Variants in DSCAM observed in about 807,000 individuals in gnomAD.
DSCAM encodes the protein cell adhesion molecule DSCAM.
In DSCAM, 47 loss-of-function variants were observed where a neutral mutation model predicts 217.7. That is an observed-to-expected ratio of 0.22 (90% confidence interval 0.17 to 0.28). The LOEUF is 0.28. Ranked by LOEUF, DSCAM falls within the 10% of genes least tolerant of loss-of-function variation. The pLI, the probability that DSCAM is intolerant of heterozygous loss-of-function variation, is 1.00. For synonymous variants in DSCAM, 1,056 were observed against 1,015.3 expected (o/e 1.04, Z -0.76); for missense variants, 2,080 against 2,618.3 (o/e 0.79, Z 4.49).
intron 19 of DSCAM, among the ~76,000 whole-genome samples, chr21:40,126,093 A>C (rs1792206003): frequency 6.6e-6 from 1 of 152,214 alleles, no homozygotes; most frequent in Non-Finnish European, 1.5e-5. Context: ...TAATTACGTA[A>C]ACCAATGAAA....
At chr21:40,103,294 G>A (rs2089778041) in intron 20 of DSCAM, among the ~76,000 whole-genome samples, 1 of 151,814 alleles carries the variant, frequency 6.6e-6, no homozygotes, top group East Asian at 1.9e-4. Flanking sequence ...AAACTTGAAG[G>A]CTGTGATTTC....
intron 19 of DSCAM, among the ~76,000 whole-genome samples, chr21:40,128,520 A>T (rs894556787): frequency 6.6e-6 from 1 of 151,980 alleles, no homozygotes; most frequent in African/African-American, 2.4e-5. Context: ...GGCTGGGTTT[A>T]ATCAGATGCG....
intron 11 of DSCAM, among the ~76,000 whole-genome samples, chr21:40,189,662 C>T (rs913494015): frequency 6.6e-6 from 1 of 151,896 alleles, no homozygotes; most frequent in Non-Finnish European, 1.5e-5. Context: ...ATGCTGTTCT[C>T]ATGATAGTGA....
At position 40,628,256 on chromosome 21, in the gene DSCAM, A is replaced by G. The variant is rs529080687; in HGVS notation, c.508+64554T>C. On this transcript the variant is annotated intron_variant, in intron 3 of 32. Transcript: ENST00000400454. ...ATGAATCCTAACAGTTGGGATCATG[A>G]ACCCTGGAGCCAACTTGCCTTTGTG... Among the ~76,000 whole-genome samples the G allele has an allele frequency of 1.1e-3, 171 of 152,320 alleles. 1 individual carries two copies. Among genetic ancestry groups the G allele is most frequent in the African/African-American group, 3.8e-3 (159 of 41,562 alleles).
At chr21:40,616,016 A>T (rs1450939629) in intron 3 of DSCAM, among the ~76,000 whole-genome samples, 3 of 151,836 alleles carry the variant, frequency 2.0e-5, no homozygotes, top group Non-Finnish European at 4.4e-5. Context: ...ACATGCATAC[A>T]AGATCCATGC....
chr21:40,244,908 A>C (rs2073202203), intron 11 of DSCAM, among the ~76,000 whole-genome samples: 1 of 150,682 alleles, frequency 6.6e-6, no homozygotes, highest in African/African-American at 2.4e-5. Flanking sequence ...CAATTAGCTA[A>C]TGAGACAGTG....
At chr21:40,333,215 A>G (rs2074394976) in intron 8 of DSCAM, among the ~76,000 whole-genome samples, 1 of 152,208 alleles carries the variant, frequency 6.6e-6, no homozygotes, top group Non-Finnish European at 1.5e-5. Flanking sequence ...TTTTCCTAAA[A>G]TTTAGCTAAT....
chr21:40,790,996 G>A (rs1189011089), intron 1 of DSCAM, among the ~76,000 whole-genome samples: 1 of 151,744 alleles, frequency 6.6e-6, no homozygotes, highest in Non-Finnish European at 1.5e-5. Flanking sequence ...GGCCAACATG[G>A]TAAAACCCCA....
intron 32 of DSCAM, among the ~76,000 whole-genome samples, chr21:40,014,744 A>G (rs1191816566): frequency 6.6e-6 from 1 of 152,136 alleles, no homozygotes; most frequent in Admixed American, 6.5e-5. Context: ...TCTTCACAAG[A>G]ATTTCCCCAA....
chr21:40,250,643 C>T (rs1036428759), intron 11 of DSCAM, among the ~76,000 whole-genome samples: 2 of 152,166 alleles, frequency 1.3e-5, no homozygotes, highest in Admixed American at 6.5e-5. Context: ...GAAAAGGCAG[C>T]CCTCACATTA....
chr21:40,355,171 G>A (rs2074678462), intron 4 of DSCAM, among the ~76,000 whole-genome samples: 1 of 152,082 alleles, frequency 6.6e-6, no homozygotes, highest in Non-Finnish European at 1.5e-5. Flanking sequence ...GAAAAAGAGG[G>A]CATAACAGAG....
At chr21:40,769,628 T>C (rs1341610073) in intron 1 of DSCAM, among the ~76,000 whole-genome samples, 1 of 152,222 alleles carries the variant, frequency 6.6e-6, no homozygotes, top group African/African-American at 2.4e-5. Flanking sequence ...CGACAGACTC[T>C]TTCCCTGACC....
intron 16 of DSCAM, among the ~76,000 whole-genome samples, chr21:40,160,112 G>A (rs756986522): frequency 1.8e-4 from 27 of 152,128 alleles, no homozygotes; most frequent in Non-Finnish European, 4.0e-4. Flanking sequence ...TATCCTCTAT[G>A]GCTATCAAGT....
At chr21:40,354,229 A>G (rs973386753) in intron 4 of DSCAM, among the ~76,000 whole-genome samples, 1 of 152,220 alleles carries the variant, frequency 6.6e-6, no homozygotes, top group African/African-American at 2.4e-5. Context: ...ATTATAGCTT[A>G]AAGAAAAGCC....
At position 40,296,189 on chromosome 21, in the gene DSCAM, A is replaced by G; in HGVS notation, c.2063-15T>C. ...CTTGGGAGGAACTGAAAAGAGAGAA[A>G]TGTCACCAGTAATTAAGACTAGACC... On this transcript the variant is annotated splice_polypyrimidine_tract_variant and intron_variant, in intron 9 of 32. Coordinates refer to ENST00000400454, the MANE Select transcript of DSCAM (RefSeq NM_001389.5). 1 of 1,613,492 alleles carries G rather than the reference A, an allele frequency of 6.2e-7. No individual in the cohort carries two copies. Among genetic ancestry groups the G allele is most frequent in the Non-Finnish European group, 8.5e-7 (1 of 1,179,782 alleles).
At chr21:40,832,027 C>T (rs543083719) in intron 1 of DSCAM, among the ~76,000 whole-genome samples, 2 of 152,344 alleles carry the variant, frequency 1.3e-5, no homozygotes, top group South Asian at 4.1e-4. Context: ...GTGCTATTCT[C>T]AAATCACAGT....
rs944440198 is a variant in DSCAM, at chr21:40,011,346, G to A, written c.*1688C>T. 5 of 152,232 alleles carry A rather than the reference G, an allele frequency of 3.3e-5. No individual in the cohort carries two copies. The highest frequency in any genetic ancestry group is 9.7e-5 in the African/African-American group (4 of 41,438). The allele number at this position is 152,232 out of a possible 1,614,324, so 9.4% of individuals were successfully genotyped here. ...CTGGAAAATAAATAGAAGGAAGAAA[G>A]GATGGGAAAGAAGGAGGGAGGGAGG... On this transcript the variant is annotated 3_prime_UTR_variant, in exon 33 of 33. Coordinates refer to ENST00000400454, the MANE Select transcript of DSCAM (RefSeq NM_001389.5).
intron 11 of DSCAM, among the ~76,000 whole-genome samples, chr21:40,209,721 T>A (rs959694217): frequency 2.0e-5 from 3 of 152,154 alleles, no homozygotes; most frequent in Non-Finnish European, 4.4e-5. Context: ...GTTCATAGCA[T>A]CATTTAAATT....
At chr21:40,478,313 C>A (rs1308725720) in intron 3 of DSCAM, among the ~76,000 whole-genome samples, 2 of 152,088 alleles carry the variant, frequency 1.3e-5, no homozygotes, top group African/African-American at 4.8e-5. Flanking sequence ...ACTGTATATG[C>A]CTGTGTGTAC....
Sources: allele counts gnomAD v4.1 joint callset (sites outside exome capture counted in the v4.1 genomes callset), GRCh38; gene constraint gnomAD v4.1.1; transcripts MANE v1.5; gene names NCBI Gene and HGNC (gene_info 2026-07-23, HGNC 2026-07-21).